EHHADH: variants seen among roughly 807,000 people sequenced by gnomAD.
EHHADH encodes the protein peroxisomal bifunctional enzyme.
In EHHADH, 48 loss-of-function variants were observed where a neutral mutation model predicts 64.4. That is an observed-to-expected ratio of 0.75 (90% confidence interval 0.59 to 0.95). EHHADH has a LOEUF of 0.95. Ranked by LOEUF, EHHADH falls within the 40% of genes least tolerant of loss-of-function variation. The pLI, the probability that EHHADH is intolerant of heterozygous loss-of-function variation, is 0.00. For synonymous variants in EHHADH, 308 were observed against 326.7 expected, an observed-to-expected ratio of 0.94 and a Z score of 0.62; for missense variants, 854 against 876.6, an observed-to-expected ratio of 0.97 and a Z score of 0.33.
At chr3:185,224,377 T>G (rs1028785293) in intron 4 of EHHADH, among the ~76,000 whole-genome samples, 1 of 151,460 alleles carries the variant, frequency 6.6e-6, no homozygotes, top group Non-Finnish European at 1.5e-5. Context: ...GGCACGTGCC[T>G]GTAATCCCAG....
chr3:185,240,277 T>C (rs1719413384), intron 2 of EHHADH, among the ~76,000 whole-genome samples: 1 of 151,838 alleles, frequency 6.6e-6, no homozygotes, highest in South Asian at 2.1e-4. Flanking sequence ...GTGGTACTGC[T>C]TTCATAGAAT....
chr3:185,217,894 A>G (rs539787971), intron 5 of EHHADH, among the ~76,000 whole-genome samples: 38 of 151,278 alleles, frequency 2.5e-4, no homozygotes, highest in Middle Eastern at 3.4e-3. Flanking sequence ...CCTCCCGAGT[A>G]GCTGGGATTA....
In EHHADH at chr3:185,198,823, C is replaced by T. The variant is rs1001231760; in HGVS notation, c.911-5336G>A. 2.6e-5 allele frequency among the ~76,000 whole-genome samples: 4 copies of T among 151,242 alleles called. No homozygotes were observed. In the East Asian group the frequency reaches 7.8e-4, roughly 30 times the overall value. On this transcript the variant is annotated intron_variant, in intron 6 of 6. Transcript: ENST00000231887. ...TAAGATTGTGCCACTGCACTCCAGC[C>T]TGGGCAACACAGCAAGACCCTGTCT...
At chr3:185,198,834 A>G (rs1718146525) in intron 6 of EHHADH, among the ~76,000 whole-genome samples, 1 of 151,430 alleles carries the variant, frequency 6.6e-6, no homozygotes, top group South Asian at 2.1e-4. Context: ...TGGGCAACAC[A>G]GCAAGACCCT....
rs374407853 is a variant in EHHADH at position 185,193,484 on chromosome 3, A to G, written c.914T>C (p.Leu305Ser). ...RPVSSVGVVG[L>S]GTMGRGIVIS... is the part of the protein sequence containing the mutation. ...GACAATGCCTCGGCCCATTGTTCCC[A>G]AGCCTGCAGATAAAAATCAAAGGAG... Residue 305 changes from leucine to serine, a missense_variant, in exon 7 of 7, where the codon TTG (leucine) becomes TCG (serine). Leu to Ser is a moderately radical substitution (Grantham distance 145, BLOSUM62 -2). Coordinates refer to ENST00000231887, the MANE Select transcript of EHHADH (RefSeq NM_001966.4). 5 of 1,611,124 alleles carry G rather than the reference A, an allele frequency of 3.1e-6. No homozygotes were observed. Among genetic ancestry groups the G allele is most frequent in the African/African-American group, 1.3e-5 (1 of 74,650 alleles).
At chr3:185,195,647 G>A (rs982710068) in intron 6 of EHHADH, among the ~76,000 whole-genome samples, 2 of 152,178 alleles carry the variant, frequency 1.3e-5, no homozygotes, top group African/African-American at 4.8e-5. Context: ...GCAGCTGGAG[G>A]CCATTATCCT....
chr3:185,249,458 C>A (rs988772127), intron 1 of EHHADH, among the ~76,000 whole-genome samples: 7 of 152,336 alleles, frequency 4.6e-5, no homozygotes, highest in Non-Finnish European at 5.9e-5. Context: ...ACCAAAACTT[C>A]ATTTCAAACT....
intron 4 of EHHADH, among the ~76,000 whole-genome samples, chr3:185,222,108 G>A (rs902918576): frequency 1.3e-5 from 2 of 151,924 alleles, no homozygotes; most frequent in Non-Finnish European, 2.9e-5. Flanking sequence ...GGCCGGATGT[G>A]GTGGCTCACA....
chr3:185,246,162 T>C, intron 2 of EHHADH: 1 of 1,079,072 alleles, frequency 9.3e-7, no homozygotes, highest in Non-Finnish European at 1.4e-6. Context: ...TTACAACTTC[T>C]TCAGCTTCAT....
chr3:185,215,901 A>G (rs550787092), intron 5 of EHHADH, among the ~76,000 whole-genome samples: 20 of 152,268 alleles, frequency 1.3e-4, no homozygotes, highest in Non-Finnish European at 2.5e-4. Context: ...TTGCAAATAC[A>G]TGTACATTTA....
intron 2 of EHHADH, among the ~76,000 whole-genome samples, chr3:185,238,472 T>C (rs1243533280): frequency 2.6e-5 from 4 of 152,204 alleles, no homozygotes; most frequent in East Asian, 3.8e-4. Flanking sequence ...AGATATCTCA[T>C]TGCAGTTTTG....
At chr3:185,221,519 C>T (rs1182043583) in intron 4 of EHHADH, among the ~76,000 whole-genome samples, 2 of 151,830 alleles carry the variant, frequency 1.3e-5, no homozygotes, top group African/African-American at 4.8e-5. Context: ...TAAAATCATC[C>T]CCCCATTTAA....
At chr3:185,208,317 C>T (rs1227550721) in intron 5 of EHHADH, among the ~76,000 whole-genome samples, 1 of 152,186 alleles carries the variant, frequency 6.6e-6, no homozygotes, top group Non-Finnish European at 1.5e-5. Flanking sequence ...CCCCCTGACC[C>T]CTAATCAACC....
intron 2 of EHHADH, among the ~76,000 whole-genome samples, chr3:185,243,472 C>T (rs1227787981): frequency 6.6e-6 from 1 of 152,076 alleles, no homozygotes; most frequent in Non-Finnish European, 1.5e-5. Context: ...TTTTCTTCTG[C>T]TAGCTCTGGG....
intron 2 of EHHADH, chr3:185,245,609 C>A: frequency 1.4e-6 from 1 of 737,920 alleles, no homozygotes; most frequent in South Asian, 1.5e-5. Context: ...GTCCAGTGAT[C>A]AGCATGTGTG....
At chr3:185,229,965 T>C (rs558048228) in intron 3 of EHHADH, among the ~76,000 whole-genome samples, 8 of 152,168 alleles carry the variant, frequency 5.3e-5, no homozygotes, top group South Asian at 2.1e-4. Flanking sequence ...TAAAGAACTT[T>C]ACAAATCAAT....
intron 3 of EHHADH, among the ~76,000 whole-genome samples, chr3:185,234,914 G>A (rs1353304156): frequency 6.6e-6 from 1 of 152,216 alleles, no homozygotes; most frequent in Non-Finnish European, 1.5e-5. Flanking sequence ...CGGGTGCAGT[G>A]GCTCATGCCT....
At chr3:185,236,226 G>A (rs1253031907) in intron 2 of EHHADH, among the ~76,000 whole-genome samples, 4 of 152,184 alleles carry the variant, frequency 2.6e-5, no homozygotes, top group African/African-American at 4.8e-5. Flanking sequence ...TGTCAGATCA[G>A]TAGCGGCATT....
rs1396080826 is a variant in EHHADH, at chr3:185,251,705, TAGGA to T, written c.74+2240_74+2243del. Among the ~76,000 whole-genome samples the T allele has an allele frequency of 6.7e-5, 10 of 149,026 alleles. No homozygotes were observed. The East Asian group carries it at 2.0e-3, about 30-fold the overall frequency. ...ACGACTTCCCATATAAAATTAGAAA[TAGGA>T]AGGGGAAAAGGAAGAAAGGGAGGAA... is the stretch of plus-strand genomic sequence containing the variant. On this transcript the variant is annotated intron_variant, in intron 1 of 6. Coordinates refer to ENST00000231887, the MANE Select transcript of EHHADH (RefSeq NM_001966.4).
Sources: gnomAD v4.1 joint callset for allele counts (sites outside exome capture counted in the v4.1 genomes callset) on GRCh38, gnomAD v4.1.1 for gene constraint, MANE v1.5 for transcripts, NCBI Gene and HGNC (gene_info 2026-07-23, HGNC 2026-07-21) for gene names.